The following PLEKHH2 variants were observed in gnomAD, a reference collection of about 807,000 sequenced individuals.
The protein encoded by PLEKHH2 is pleckstrin homology domain-containing family H member 2.
PLEKHH2 carries 129 observed loss-of-function variants against 187.9 expected under a neutral mutation model. The observed-to-expected ratio is 0.69, with a 90% confidence interval of 0.59 to 0.79. PLEKHH2 has a LOEUF of 0.79. Among genes scored for constraint, PLEKHH2 ranks in the 30% least tolerant of loss-of-function variants. The pLI, the probability that PLEKHH2 is intolerant of heterozygous loss-of-function variation, is 0.00. For synonymous variants in PLEKHH2, 686 were observed against 605.6 expected (o/e 1.13, Z -1.95); for missense variants, 2,076 against 1,751.2 (o/e 1.19, Z -3.31).
At chr2:43,714,557 G>A (rs1218887380) in intron 15 of PLEKHH2, among the ~76,000 whole-genome samples, 1 of 152,152 alleles carries the variant, frequency 6.6e-6, no homozygotes, top group African/African-American at 2.4e-5. Context: ...GTTTTCTCAG[G>A]TTGTCACATT....
intron 2 of PLEKHH2, among the ~76,000 whole-genome samples, chr2:43,670,619 T>C (rs1214768160): frequency 8.2e-6 from 1 of 122,010 alleles, no homozygotes; most frequent in Non-Finnish European, 1.9e-5. Context: ...TTGTGAATAT[T>C]CTAATTTTTT....
At chr2:43,726,497 T>C in intron 17 of PLEKHH2, 46 bp downstream of exon 17, 1 of 1,479,530 alleles carries the variant, frequency 6.8e-7, no homozygotes, top group Non-Finnish European at 9.3e-7. Context: ...TAGACTAATA[T>C]TATTCAGATA....
intron 3 of PLEKHH2, among the ~76,000 whole-genome samples, chr2:43,682,100 C>T (rs568924538): frequency 7.1e-4 from 108 of 152,204 alleles, no homozygotes; most frequent in Non-Finnish European, 1.3e-3. Context: ...AAATCCCAGA[C>T]ATGGTATAAT....
At chr2:43,691,041 C>G (rs2104460547) in intron 3 of PLEKHH2, among the ~76,000 whole-genome samples, 1 of 152,288 alleles carries the variant, frequency 6.6e-6, no homozygotes, top group South Asian at 2.1e-4. Context: ...ACAGAATATC[C>G]AAGCAGGGCC....
At position 43,638,243 on chromosome 2, in the gene PLEKHH2, C is replaced by A. The variant is rs545018054; in HGVS notation, c.-4+864C>A. 9.1e-3 allele frequency among the ~76,000 whole-genome samples: 1,303 copies of A among 142,644 alleles called. 4 individuals carry two copies. Among genetic ancestry groups the A allele is most frequent in the Middle Eastern group, 0.029 (8 of 280 alleles). The allele number at this position is 142,644 out of a possible 152,430, so 93.6% of individuals were successfully genotyped here. ...ATGCCTCAGTCTCGTCGAGAAAGAT[C>A]TTTTAACACACACACACACACACAC... On this transcript the variant is annotated intron_variant, in intron 1 of 29. Transcript: ENST00000282406.
At chr2:43,746,301 C>T (rs1671776465) in intron 24 of PLEKHH2, among the ~76,000 whole-genome samples, 1 of 152,142 alleles carries the variant, frequency 6.6e-6, no homozygotes, top group African/African-American at 2.4e-5. Flanking sequence ...GTCAGGAGTT[C>T]AAGACCAACA....
Position 43,767,908 on chromosome 2 carries a change from A to G in PLEKHH2, c.*2310A>G, listed in dbSNP as rs1260930007. 7 of 152,794 alleles carry G rather than the reference A, an allele frequency of 4.6e-5. No individual in the cohort carries two copies. Among genetic ancestry groups the G allele is most frequent in the Non-Finnish European group, 7.3e-5 (5 of 68,044 alleles). 9.5% of individuals were successfully genotyped at this position (152,794 alleles called of 1,614,324 possible). A position where few individuals can be genotyped will look rare whatever the true frequency, so the allele number is the denominator to read the frequency against. Reference sequence around the variant, plus strand: ...TTATTATGATTGGTTACAAGAGAATAATGTTACATGTTTAATTGTAATATT... The same window carrying G: ...TTATTATGATTGGTTACAAGAGAATGATGTTACATGTTTAATTGTAATATT... On this transcript the variant is annotated 3_prime_UTR_variant, in exon 30 of 30. Transcript: ENST00000282406.
intron 2 of PLEKHH2, among the ~76,000 whole-genome samples, chr2:43,670,989 C>CA (rs1489839151): frequency 1.8e-4 from 26 of 142,974 alleles, no homozygotes; most frequent in African/African-American, 6.4e-4. Flanking sequence ...TTTTTTTTAA[C>CA]TTTTTTTTTT....
At chr2:43,660,493 A>C (rs1391724332) in intron 2 of PLEKHH2, among the ~76,000 whole-genome samples, 1 of 134,382 alleles carries the variant, frequency 7.4e-6, no homozygotes, top group Non-Finnish European at 1.6e-5. Context: ...TTATACTTTA[A>C]GTTTTAGGGT....
chr2:43,675,304 A>C, intron 2 of PLEKHH2: 1 of 1,004,638 alleles, frequency 1.0e-6, no homozygotes, highest in Non-Finnish European at 1.4e-6. Context: ...TTACACTTAC[A>C]CTGTATCAGA....
chr2:43,637,297 G>T lies in PLEKHH2; in HGVS notation c.-86G>T, dbSNP rs996107545. Reference sequence around the variant, plus strand: ...CGAGCTCGGCTTGAGGCGGGCGCGGGCTGAGAGTCCGGGGATCCCGGGGGC... The same window carrying T: ...CGAGCTCGGCTTGAGGCGGGCGCGGTCTGAGAGTCCGGGGATCCCGGGGGC... On this transcript the variant is annotated 5_prime_UTR_variant, in exon 1 of 30. Transcript: ENST00000282406. The T allele has an allele frequency of 1.3e-5, 2 of 152,498 alleles. No individual in the cohort carries two copies. The highest frequency in any genetic ancestry group is 2.4e-5 in the African/African-American group (1 of 41,474). 9.4% of individuals were successfully genotyped at this position (152,498 alleles called of 1,614,324 possible).
chr2:43,721,708 G>A (rs763491372), intron 16 of PLEKHH2, among the ~76,000 whole-genome samples: 6 of 151,880 alleles, frequency 4.0e-5, no homozygotes, highest in Non-Finnish European at 8.8e-5. Flanking sequence ...CAACATAGTG[G>A]GAACCTGTCT....
intron 16 of PLEKHH2, among the ~76,000 whole-genome samples, chr2:43,722,059 C>T (rs1431702137): frequency 6.6e-6 from 1 of 151,194 alleles, no homozygotes; most frequent in African/African-American, 2.4e-5. Flanking sequence ...TAATGCCACC[C>T]TAGGCAACAT....
At chr2:43,737,614 T>C (rs1312709291) in intron 19 of PLEKHH2, among the ~76,000 whole-genome samples, 1 of 152,202 alleles carries the variant, frequency 6.6e-6, no homozygotes, top group African/African-American at 2.4e-5. Context: ...CTCTCTCACG[T>C]GGCTGTTGGC....
intron 19 of PLEKHH2, 102 bp from the exon 20 acceptor site, chr2:43,738,239 A>G: frequency 1.0e-6 from 1 of 1,003,910 alleles, no homozygotes; most frequent in Non-Finnish European, 1.4e-6. Context: ...CTTTTCCATC[A>G]TTTTAAACAA....
At chr2:43,660,322 G>A (rs890433320) in intron 2 of PLEKHH2, among the ~76,000 whole-genome samples, 4 of 151,870 alleles carry the variant, frequency 2.6e-5, no homozygotes, top group East Asian at 3.9e-4. Flanking sequence ...TGGCAATTAC[G>A]AATACAGCTG....
chr2:43,732,630 C>G (rs1671095463), intron 19 of PLEKHH2, among the ~76,000 whole-genome samples: 1 of 152,172 alleles, frequency 6.6e-6, no homozygotes, highest in Non-Finnish European at 1.5e-5. Flanking sequence ...CCTACAAGCT[C>G]TTATATTTTT....
intron 19 of PLEKHH2, among the ~76,000 whole-genome samples, chr2:43,734,735 C>G (rs1178231454): frequency 6.6e-6 from 1 of 152,232 alleles, no homozygotes; most frequent in East Asian, 1.9e-4. Context: ...TGTGATCCAG[C>G]AGTCTCACTG....
chr2:43,648,232 A>G (rs913095185), intron 2 of PLEKHH2, among the ~76,000 whole-genome samples: 4 of 151,984 alleles, frequency 2.6e-5, no homozygotes, highest in Non-Finnish European at 4.4e-5. Context: ...TCTGCTGCCC[A>G]GGTTGGAGTG....
Sources: gnomAD v4.1 joint callset for allele counts (sites outside exome capture counted in the v4.1 genomes callset) on GRCh38, gnomAD v4.1.1 for gene constraint, MANE v1.5 for transcripts, NCBI Gene and HGNC (gene_info 2026-07-23, HGNC 2026-07-21) for gene names.